The following GRM8 variants were observed in gnomAD, a reference collection of about 807,000 sequenced individuals.
GRM8 encodes the protein glutamate metabotropic receptor 8, also known as metabotropic glutamate receptor 8.
A neutral mutation model predicts 87.2 loss-of-function variants in GRM8; 47 were observed. The ratio of observed to expected loss-of-function variants is 0.54; its 90% CI spans 0.43 to 0.69. The LOEUF is 0.69. GRM8 is among the 30% of genes least tolerant of loss of function. GRM8 has a pLI of 0.00. For missense variants in GRM8, 1,019 were observed against 1,139.2 expected, an observed-to-expected ratio of 0.89 and a Z score of 1.52; for synonymous variants, 396 against 404.5, an observed-to-expected ratio of 0.98 and a Z score of 0.25.
chr7:126,854,636 T>C (rs1797512641), intron 6 of GRM8, among the ~76,000 whole-genome samples: 1 of 152,224 alleles, frequency 6.6e-6, no homozygotes, highest in African/African-American at 2.4e-5. Context: ...TATGCAAATG[T>C]TAAGATTACT....
intron 7 of GRM8, among the ~76,000 whole-genome samples, chr7:126,648,082 A>G (rs1803371560): frequency 6.6e-6 from 1 of 152,020 alleles, no homozygotes; most frequent in Non-Finnish European, 1.5e-5. Context: ...CACCTCCTTA[A>G]AACCGATAGG....
At chr7:126,450,747 A>G (rs978587713) in intron 9 of GRM8, among the ~76,000 whole-genome samples, 8 of 151,898 alleles carry the variant, frequency 5.3e-5, no homozygotes, top group Non-Finnish European at 1.2e-4. Flanking sequence ...AGCAATTGAA[A>G]ATTGCAAAAA....
chr7:127,221,692 GA>G (rs1167230606), intron 2 of GRM8, among the ~76,000 whole-genome samples: 1 of 152,142 alleles, frequency 6.6e-6, no homozygotes, highest in Non-Finnish European at 1.5e-5. Context: ...TGCTTCTAGG[GA>G]ATCTAACCTG....
chr7:126,487,625 C>G (rs1006854384), intron 9 of GRM8, among the ~76,000 whole-genome samples: 1 of 151,912 alleles, frequency 6.6e-6, no homozygotes, highest in Non-Finnish European at 1.5e-5. Context: ...TTCATCTATG[C>G]ATCTACTTTT....
intron 3 of GRM8, among the ~76,000 whole-genome samples, chr7:127,056,251 AAAGT>A (rs1257907602): frequency 6.6e-6 from 1 of 152,230 alleles, no homozygotes; most frequent in Non-Finnish European, 1.5e-5. Flanking sequence ...GAAAGAGATA[AAAGT>A]AATATTATAA....
intron 8 of GRM8, among the ~76,000 whole-genome samples, chr7:126,606,333 ATAAG>A (rs1798343219): frequency 6.6e-6 from 1 of 152,186 alleles, no homozygotes; most frequent in Admixed American, 6.5e-5. Flanking sequence ...TGAATTAATC[ATAAG>A]TAACATTTAT....
At chr7:126,633,205 C>T (rs1315753064) in intron 7 of GRM8, among the ~76,000 whole-genome samples, 1 of 151,980 alleles carries the variant, frequency 6.6e-6, no homozygotes, top group Non-Finnish European at 1.5e-5. Context: ...ACAATGCTTT[C>T]CCCCATAAAG....
At chr7:127,015,041 A>AAGAAGAAGC (rs2132142821) in intron 3 of GRM8, among the ~76,000 whole-genome samples, 1 of 126,730 alleles carries the variant, frequency 7.9e-6, no homozygotes, top group South Asian at 2.7e-4. Context: ...GAAGAAGAAG[A>AAGAAGAAGC]AGAAGAAGAA....
chr7:126,977,851 G>A (rs1398068534), intron 3 of GRM8, among the ~76,000 whole-genome samples: 2 of 152,100 alleles, frequency 1.3e-5, no homozygotes, highest in African/African-American at 4.8e-5. Context: ...TGACTGAATG[G>A]GGTTGGAAGC....
intron 3 of GRM8, among the ~76,000 whole-genome samples, chr7:127,075,322 A>G (rs1488510292): frequency 2.6e-5 from 4 of 152,198 alleles, no homozygotes; most frequent in Admixed American, 6.5e-5. Flanking sequence ...ATAATTACAT[A>G]TTTCCCACAA....
At chr7:126,827,603 G>A (rs1794947877) in intron 6 of GRM8, among the ~76,000 whole-genome samples, 1 of 152,170 alleles carries the variant, frequency 6.6e-6, no homozygotes, top group Non-Finnish European at 1.5e-5. Context: ...ATCAGCTTAA[G>A]GAGATTTTGG....
chr7:126,461,590 C>T (rs1049636368), intron 9 of GRM8, among the ~76,000 whole-genome samples: 2 of 151,570 alleles, frequency 1.3e-5, no homozygotes, highest in South Asian at 4.2e-4. Flanking sequence ...CTCCAATATC[C>T]TGCCTTTGAA....
At chr7:127,067,994 T>C (rs554879024) in intron 3 of GRM8, among the ~76,000 whole-genome samples, 2 of 152,132 alleles carry the variant, frequency 1.3e-5, no homozygotes, top group Non-Finnish European at 2.9e-5. Context: ...CTGTGCCAAA[T>C]CCCTTTAGAC....
At chr7:126,516,443 T>A (rs2150769049) in intron 9 of GRM8, among the ~76,000 whole-genome samples, 1 of 152,240 alleles carries the variant, frequency 6.6e-6, no homozygotes, top group Non-Finnish European at 1.5e-5. Flanking sequence ...CAGTTGATGT[T>A]GGAATGGTTT....
chr7:126,618,274 G>T (rs1046439770), intron 7 of GRM8, among the ~76,000 whole-genome samples: 4 of 152,036 alleles, frequency 2.6e-5, no homozygotes, highest in African/African-American at 9.7e-5. Context: ...CAAGAAATGG[G>T]GAAAGGATTC....
chr7:127,251,337 T>G (rs1440352595), intron 1 of GRM8: 1 of 152,054 alleles, frequency 6.6e-6, no homozygotes, highest in African/African-American at 2.4e-5. Flanking sequence ...CGAAGGGAAT[T>G]TTTTTTTCTT....
At chr7:126,782,429 A>G (rs1198214394) in intron 6 of GRM8, among the ~76,000 whole-genome samples, 3 of 152,160 alleles carry the variant, frequency 2.0e-5, no homozygotes, top group Non-Finnish European at 1.5e-5. Flanking sequence ...TTTCTCTCCC[A>G]TTGTAATTAA....
intron 6 of GRM8, among the ~76,000 whole-genome samples, chr7:126,877,074 T>A (rs1799583325): frequency 6.6e-6 from 1 of 152,144 alleles, no homozygotes; most frequent in Admixed American, 6.5e-5. Context: ...AATTACCAAA[T>A]CTAACAAATT....
chr7:126,766,943 C>T (rs2151595559), intron 7 of GRM8, among the ~76,000 whole-genome samples: 1 of 152,222 alleles, frequency 6.6e-6, no homozygotes, highest in East Asian at 1.9e-4. Context: ...CTATTAAATC[C>T]CTGCGAAGAG....
Sources: gnomAD v4.1 joint callset for allele counts (sites outside exome capture counted in the v4.1 genomes callset) on GRCh38, gnomAD v4.1.1 for gene constraint, MANE v1.5 for transcripts, NCBI Gene and HGNC (gene_info 2026-07-23, HGNC 2026-07-21) for gene names.